Variants in LAMA2 observed in about 807,000 individuals in gnomAD.
The protein encoded by LAMA2 is laminin subunit alpha-2.
LAMA2 carries 269 observed loss-of-function variants against 364.8 expected under a neutral mutation model. The observed-to-expected ratio is 0.74, with a 90% CI of 0.67 to 0.82. The LOEUF (loss-of-function observed/expected upper bound fraction) is 0.82. Among genes scored for constraint, LAMA2 ranks in the 40% least tolerant of loss-of-function variants. LAMA2 has a pLI of 0.00. For synonymous variants in LAMA2, 1,379 were observed against 1,370.6 expected, an observed-to-expected ratio of 1.01 and a Z score of -0.14; for missense variants, 3,807 against 3,873.2, an observed-to-expected ratio of 0.98 and a Z score of 0.45.
Position 129,475,390 on chromosome 6 carries a change from T to C in LAMA2, c.7440T>C (p.Ser2480=). The C allele has an allele frequency of 6.4e-7, 1 of 1,551,690 alleles. No homozygotes were observed. The highest frequency in any genetic ancestry group is 1.7e-4 in the Middle Eastern group (1 of 5,962). The change falls in exon 53 of 65, where the codon AGT becomes AGC. Residue 2480 remains serine (S), a splice_region_variant and synonymous_variant. Coordinates refer to ENST00000421865, the MANE Select transcript of LAMA2 (RefSeq NM_000426.4). Reference sequence around the variant, plus strand: ...TTTTTTCCTCTTTCCCGTTATCTAGTATGAAAGCAAGGTAAAATTTAAATT... The same window carrying C: ...TTTTTTCCTCTTTCCCGTTATCTAGCATGAAAGCAAGGTAAAATTTAAATT... ...FGGLPTLRNL[S]MKARPEVNLK... is the part of the protein sequence containing the mutation.
intron 1 of LAMA2, among the ~76,000 whole-genome samples, chr6:129,019,115 T>C (rs1478363470): frequency 6.6e-6 from 1 of 152,094 alleles, no homozygotes; most frequent in African/African-American, 2.4e-5. Context: ...GATCCACACC[T>C]TCCTCTTTCT....
At chr6:129,295,133 G>T (rs556873179) in intron 20 of LAMA2, among the ~76,000 whole-genome samples, 3 of 152,210 alleles carry the variant, frequency 2.0e-5, no homozygotes, top group Admixed American at 6.5e-5. Flanking sequence ...TCCACAATTG[G>T]TTAGCTCATG....
In LAMA2 at chr6:128,924,265, C is replaced by T. The variant is rs531645338; in HGVS notation, c.112+40908C>T. Among the ~76,000 whole-genome samples the T allele has an allele frequency of 1.8e-4, 27 of 152,166 alleles. No homozygotes were observed. In the South Asian group the frequency reaches 4.6e-3, roughly 26 times the overall value. On this transcript the variant is annotated intron_variant, in intron 1 of 64. Transcript: ENST00000421865. ...GATGTATGTATACATAGCTATTACC[C>T]AAGTCTTTCCATTAACATGGTGTTA...
intron 34 of LAMA2, among the ~76,000 whole-genome samples, chr6:129,376,531 C>G (rs772444566): frequency 6.6e-6 from 1 of 152,144 alleles, no homozygotes; most frequent in Non-Finnish European, 1.5e-5. Flanking sequence ...CCCTTAGGCT[C>G]GTAGGATAAA....
intron 4 of LAMA2, among the ~76,000 whole-genome samples, chr6:129,139,998 C>T (rs538807090): frequency 1.7e-4 from 26 of 152,252 alleles, no homozygotes; most frequent in Non-Finnish European, 2.6e-4. Context: ...CATGATCTTT[C>T]AGTAGCCTTC....
chr6:128,905,932 A>G (rs1453552836), intron 1 of LAMA2, among the ~76,000 whole-genome samples: 3 of 151,748 alleles, frequency 2.0e-5, no homozygotes, highest in Admixed American at 1.3e-4. Flanking sequence ...ATGATTTCCA[A>G]TTTCATCCAT....
At chr6:128,915,666 T>G (rs992659167) in intron 1 of LAMA2, among the ~76,000 whole-genome samples, 3 of 152,202 alleles carry the variant, frequency 2.0e-5, no homozygotes, top group African/African-American at 7.2e-5. Context: ...ATAACTACAC[T>G]CGATGGGAGT....
intron 3 of LAMA2, among the ~76,000 whole-genome samples, chr6:129,097,690 A>G (rs1775270141): frequency 6.6e-6 from 1 of 152,190 alleles, no homozygotes; most frequent in South Asian, 2.1e-4. Context: ...GAATGTGTTT[A>G]TGTTGTTTTT....
At chr6:129,176,547 A>G (rs1226797836) in intron 9 of LAMA2, among the ~76,000 whole-genome samples, 1 of 152,010 alleles carries the variant, frequency 6.6e-6, no homozygotes, top group Middle Eastern at 3.4e-3. Context: ...TAAAGTTTTT[A>G]TTTCCAATAT....
rs374934554 is a variant in LAMA2 at position 128,902,013 on chromosome 6, G to T, written c.112+18656G>T. ...GAGGCCTCAGGAAACTTACAATCAT[G>T]ACAGAAGGGAAAGCAAACACATTCT... On this transcript the variant is annotated intron_variant, in intron 1 of 64. Transcript: ENST00000421865. Among the ~76,000 whole-genome samples, 66 of 152,278 alleles carry T rather than the reference G, an allele frequency of 4.3e-4. 1 individual carries two copies. Among genetic ancestry groups the T allele is most frequent in the African/African-American group, 1.6e-3 (66 of 41,554 alleles).
At chr6:129,383,552 T>C (rs1365648900) in intron 35 of LAMA2, among the ~76,000 whole-genome samples, 2 of 152,248 alleles carry the variant, frequency 1.3e-5, no homozygotes, top group Non-Finnish European at 2.9e-5. Context: ...GTATTTAAAG[T>C]ATTTTTCATT....
At chr6:129,158,919 G>A in intron 8 of LAMA2, 1 of 1,602,456 alleles carries the variant, frequency 6.2e-7, no homozygotes, top group Non-Finnish European at 8.5e-7. Context: ...GCATCATCTG[G>A]GCAGTGCCCT....
chr6:128,958,852 C>T (rs1021533982), intron 1 of LAMA2, among the ~76,000 whole-genome samples: 1 of 152,032 alleles, frequency 6.6e-6, no homozygotes, highest in Non-Finnish European at 1.5e-5. Context: ...AGCATTTACC[C>T]CCGGATTTAA....
chr6:128,977,784 T>G (rs1403423226), intron 1 of LAMA2, among the ~76,000 whole-genome samples: 1 of 152,222 alleles, frequency 6.6e-6, no homozygotes, highest in Non-Finnish European at 1.5e-5. Flanking sequence ...GTTTTACCAC[T>G]GTTTTGATAA....
Position 129,288,031 on chromosome 6 carries a change from G to A in LAMA2, c.2722G>A (p.Asp908Asn). 6.2e-7 allele frequency: 1 copy of A among 1,614,030 alleles called. No individual in the cohort carries two copies. Among genetic ancestry groups the A allele is most frequent in the Non-Finnish European group, 8.5e-7 (1 of 1,179,896 alleles). The change falls in exon 19 of 65, where the codon GAT (aspartate) becomes AAT (asparagine). Residue 908 changes from aspartate (D) to asparagine (N), a missense_variant. Asp to Asn is a conservative substitution (Grantham distance 23). This residue lies in a region of LAMA2 where 3,333 missense variants were observed against 3,345.7 expected (regional missense o/e 1.00). Transcript: ENST00000421865. ...CELCADGYFG[D>N]AVDAKNCQPC... ...GCTCTGTGCTGATGGATATTTTGGA[G>A]ATGCAGTTGATGCGAAGAACTGTCA...
intron 40 of LAMA2, among the ~76,000 whole-genome samples, chr6:129,425,727 C>T (rs1562552488): frequency 1.3e-5 from 2 of 152,030 alleles, no homozygotes; most frequent in Non-Finnish European, 2.9e-5. Context: ...GAATAATGGC[C>T]TCCAACTCCA....
At chr6:128,890,237 T>C (rs1165949904) in intron 1 of LAMA2, among the ~76,000 whole-genome samples, 1 of 152,180 alleles carries the variant, frequency 6.6e-6, no homozygotes, top group African/African-American at 2.4e-5. Context: ...CAGAGCTGTT[T>C]AGTAGATTAA....
chr6:129,183,268 A>C (rs1271433235), intron 10 of LAMA2, among the ~76,000 whole-genome samples: 1 of 151,876 alleles, frequency 6.6e-6, no homozygotes. Context: ...GCTCTTTTGC[A>C]GTTTGGTGTC....
At chr6:129,415,788 G>A (rs1562543339) in intron 40 of LAMA2, among the ~76,000 whole-genome samples, 1 of 152,064 alleles carries the variant, frequency 6.6e-6, no homozygotes, top group Non-Finnish European at 1.5e-5. Context: ...CAAGGCTGCA[G>A]TGAGCCAAGA....
Sources: allele counts gnomAD v4.1 joint callset (sites outside exome capture counted in the v4.1 genomes callset), GRCh38; gene constraint gnomAD v4.1.1; regional missense constraint gnomAD v4.1.1; transcripts MANE v1.5; gene names NCBI Gene and HGNC (gene_info 2026-07-23, HGNC 2026-07-21).